The following DMRT1 variants were observed in gnomAD, a reference collection of about 807,000 sequenced individuals.
DMRT1 encodes the protein doublesex and mab-3 related transcription factor 1, also known as doublesex- and mab-3-related transcription factor 1.
In DMRT1, 7 loss-of-function variants were observed where a neutral mutation model predicts 32.3. That is an observed-to-expected ratio of 0.22 (90% CI 0.12 to 0.41). The LOEUF is 0.41. DMRT1 is among the 10% of genes least tolerant of loss of function. DMRT1 has a pLI of 1.00. For missense variants in DMRT1, 625 were observed against 500.5 expected (o/e 1.25, Z -2.37); for synonymous variants, 278 against 206.1 (o/e 1.35, Z -2.99).
chr9:910,065 C>A (rs1003854868), intron 3 of DMRT1, among the ~76,000 whole-genome samples: 28 of 152,130 alleles, frequency 1.8e-4, no homozygotes, highest in African/African-American at 6.5e-4. Context: ...GAATGTTATC[C>A]TATAGAATAA....
chr9:864,537 C>T (rs1209262706), intron 2 of DMRT1, among the ~76,000 whole-genome samples: 21 of 102,772 alleles, frequency 2.0e-4, no homozygotes, highest in Admixed American at 5.1e-4. Flanking sequence ...CTTGCTCTGT[C>T]GCCCAGGCTG....
At chr9:961,317 T>C (rs1269803491) in intron 4 of DMRT1, among the ~76,000 whole-genome samples, 1 of 152,126 alleles carries the variant, frequency 6.6e-6, no homozygotes, top group Admixed American at 6.5e-5. Flanking sequence ...AACCCAGTAA[T>C]TGTAGATTAG....
Position 894,214 on chromosome 9 carries a change from A to G in DMRT1, c.822+19A>G. On this transcript the variant is annotated intron_variant, in intron 3 of 4. Coordinates refer to ENST00000382276, the MANE Select transcript of DMRT1 (RefSeq NM_021951.3). ...GTGGCAGGTATGATATTAATTACCC[A>G]GAGAGTGAACTGGTTGTGTGAAAGC... 1 of 1,612,206 alleles carries G rather than the reference A, an allele frequency of 6.2e-7. No homozygotes were observed. The highest frequency in any genetic ancestry group is 8.5e-7 in the Non-Finnish European group (1 of 1,179,814).
chr9:963,907 C>T (rs921722710), intron 4 of DMRT1, among the ~76,000 whole-genome samples: 10 of 152,184 alleles, frequency 6.6e-5, no homozygotes, highest in African/African-American at 9.7e-5. Context: ...GTCTAGGAAA[C>T]TGAAGAGGCC....
chr9:918,447 A>C (rs577114791), intron 4 of DMRT1, among the ~76,000 whole-genome samples: 12 of 152,256 alleles, frequency 7.9e-5, no homozygotes, highest in African/African-American at 2.6e-4. Flanking sequence ...GAGAGGAGCG[A>C]ATTTGGAGAG....
chr9:867,312 C>G (rs1015757241), intron 2 of DMRT1, among the ~76,000 whole-genome samples: 1 of 151,764 alleles, frequency 6.6e-6, no homozygotes, highest in Non-Finnish European at 1.5e-5. Context: ...ACTGAAGATC[C>G]ACACACGACT....
chr9:853,842 C>G (rs992007146), intron 2 of DMRT1, among the ~76,000 whole-genome samples: 2 of 152,068 alleles, frequency 1.3e-5, no homozygotes, highest in African/African-American at 4.8e-5. Context: ...GTCTCCCAGG[C>G]TGGAGTGTAG....
At chr9:868,320 ACAGGGGAT>A (rs1816080729) in intron 2 of DMRT1, among the ~76,000 whole-genome samples, 1 of 152,224 alleles carries the variant, frequency 6.6e-6, no homozygotes. Context: ...CCTGGATCTT[ACAGGGGAT>A]CTCTTAGCTG....
intron 2 of DMRT1, among the ~76,000 whole-genome samples, chr9:859,950 T>C (rs1040772189): frequency 1.3e-5 from 2 of 152,214 alleles, no homozygotes; most frequent in African/African-American, 4.8e-5. Context: ...TCAGAACTTA[T>C]AAAAATTGCC....
At chr9:932,670 C>T (rs547052672) in intron 4 of DMRT1, among the ~76,000 whole-genome samples, 5 of 152,156 alleles carry the variant, frequency 3.3e-5, no homozygotes, top group Admixed American at 2.6e-4. Flanking sequence ...AAACTGCCCC[C>T]ATTTTAGGCT....
intron 2 of DMRT1, among the ~76,000 whole-genome samples, chr9:884,064 G>C (rs1477208877): frequency 2.6e-5 from 4 of 151,996 alleles, no homozygotes; most frequent in Non-Finnish European, 5.9e-5. Context: ...TGGTAAATTT[G>C]GTTTTGTGAC....
Position 968,227 on chromosome 9 carries a change from T to C in DMRT1, c.*88T>C, listed in dbSNP as rs1273137201. 9.4e-6 allele frequency: 14 copies of C among 1,492,646 alleles called. No homozygotes were observed. Among genetic ancestry groups the C allele is most frequent in the African/African-American group, 1.4e-5 (1 of 72,222 alleles). The allele number at this position is 1,492,646 out of a possible 1,614,324, so 92.5% of individuals were successfully genotyped here. On this transcript the variant is annotated 3_prime_UTR_variant, in exon 5 of 5. Transcript: ENST00000382276. ...TTTGTTAATATTTTGCATTGACTCA[T>C]ACTATCTTAACTGTTGAGAACGTAT...
intron 2 of DMRT1, among the ~76,000 whole-genome samples, chr9:847,923 G>C (rs1296480955): frequency 2.6e-5 from 4 of 152,154 alleles, no homozygotes; most frequent in African/African-American, 7.2e-5. Flanking sequence ...GCCATATACA[G>C]CTAAGGGCTA....
chr9:875,797 T>C (rs1816475647), intron 2 of DMRT1, among the ~76,000 whole-genome samples: 1 of 152,218 alleles, frequency 6.6e-6, no homozygotes, highest in African/African-American at 2.4e-5. Context: ...TACGTATGTG[T>C]GTGTGCATAT....
chr9:870,629 A>G (rs1009229758), intron 2 of DMRT1, among the ~76,000 whole-genome samples: 1 of 151,666 alleles, frequency 6.6e-6, no homozygotes, highest in African/African-American at 2.4e-5. Flanking sequence ...GTTGGGTCCA[A>G]GAAAGAACCC....
intron 4 of DMRT1, among the ~76,000 whole-genome samples, chr9:945,740 CTT>C (rs33925005): frequency 5.1e-4 from 69 of 134,116 alleles, no homozygotes; most frequent in African/African-American, 1.1e-3. Flanking sequence ...AAAATACACA[CTT>C]TTTTTTTTTT....
Position 916,770 on chromosome 9 carries a change from A to G in DMRT1, c.830A>G (p.Asn277Ser). ...TTCTTTTTTCTTAAGCAGATGAAGAACATGGAGAACCGCCATGCAATGAGC... is the reference window on the plus strand; with the variant it reads ...TTCTTTTTTCTTAAGCAGATGAAGAGCATGGAGAACCGCCATGCAATGAGC... ...GQTGNQWQMK[N>S]MENRHAMSSQ... Residue 277 changes from asparagine (N) to serine (S), a missense_variant, in exon 4 of 5, where the codon AAC becomes AGC. Asn to Ser is a conservative substitution (Grantham distance 46). Transcript: ENST00000382276. 6.2e-7 allele frequency: 1 copy of G among 1,614,204 alleles called. No homozygotes were observed. Among genetic ancestry groups the G allele is most frequent in the Non-Finnish European group, 8.5e-7 (1 of 1,180,028 alleles).
chr9:864,707 A>G lies in DMRT1; in HGVS notation c.538+17564A>G, dbSNP rs529261094. Among the ~76,000 whole-genome samples, 1,412 of 150,546 alleles carry G rather than the reference A, an allele frequency of 9.4e-3. 21 individuals carry two copies. Among genetic ancestry groups the G allele is most frequent in the African/African-American group, 0.029 (1,184 of 40,730 alleles). ...AGTAGAGACAGGGTTTCACCATGTT[A>G]GCCAGGATGGTCTCCATCTCCTAAC... On this transcript the variant is annotated intron_variant, in intron 2 of 4. Coordinates refer to ENST00000382276, the MANE Select transcript of DMRT1 (RefSeq NM_021951.3).
chr9:879,808 G>A (rs1158535227), intron 2 of DMRT1, among the ~76,000 whole-genome samples: 1 of 152,166 alleles, frequency 6.6e-6, no homozygotes, highest in African/African-American at 2.4e-5. Context: ...TCTTTCATCC[G>A]TGTATGACTT....
Sources: allele counts gnomAD v4.1 joint callset (sites outside exome capture counted in the v4.1 genomes callset), GRCh38; gene constraint gnomAD v4.1.1; transcripts MANE v1.5; gene names NCBI Gene and HGNC (gene_info 2026-07-23, HGNC 2026-07-21).